The following TYW1B variants were observed in gnomAD, a reference collection of about 807,000 sequenced individuals.
TYW1B encodes the protein tRNA-yW synthesizing protein 1 homolog B.
TYW1B carries 73 observed loss-of-function variants against 86.9 expected under a neutral mutation model. The ratio of observed to expected loss-of-function variants is 0.84; its 90% CI spans 0.70 to 1.02. TYW1B has a LOEUF of 1.02. Among genes scored for constraint, TYW1B ranks in the 50% least tolerant of loss-of-function variants. The pLI is 0.00. For synonymous variants in TYW1B, 248 were observed against 292.8 expected, an observed-to-expected ratio of 0.85 and a Z score of 1.56; for missense variants, 637 against 827.4, an observed-to-expected ratio of 0.77 and a Z score of 2.82.
chr7:72,815,388 T>A lies in TYW1B; in HGVS notation c.229A>T (p.Ile77Leu). 6.3e-7 allele frequency: 1 copy of A among 1,597,932 alleles called. No homozygotes were observed. Among genetic ancestry groups the A allele is most frequent in the Non-Finnish European group, 8.5e-7 (1 of 1,175,516 alleles). The part of the protein sequence containing the change: ...LKEYDPDDHL[I>L]EEVTSKNVCV... ...AAAAGACAATTACCAACCTCTTCTA[T>A]CAGATGATCATCTGGATCATATTCT... is the stretch of plus-strand genomic sequence containing the variant. The change falls in exon 3 of 14, where the codon ATA becomes TTA. Residue 77 changes from isoleucine to leucine, a missense_variant. Ile to Leu is a conservative substitution (Grantham distance 5). Transcript: ENST00000620995.
rs782550663 is a variant in TYW1B at position 72,807,322 on chromosome 7, A to C, written c.467T>G (p.Leu156Arg). ...TCGACTCATCACACGATGCACGCCA[A>C]GCATCCAGAGCCACTTGTCAACATT... ...GKNVDKWLWMLGVHRVMSRGE... is the reference protein window; with the variant it reads ...GKNVDKWLWMRGVHRVMSRGE... Residue 156 changes from leucine (L) to arginine (R), a missense_variant, in exon 5 of 14, where the codon CTT (leucine) becomes CGT (arginine). Transcript: ENST00000620995. The C allele has an allele frequency of 1.1e-4, 174 of 1,613,138 alleles. No homozygotes were observed. The highest frequency in any genetic ancestry group is 1.2e-4 in the Non-Finnish European group (142 of 1,179,248).
intron 7 of TYW1B, among the ~76,000 whole-genome samples, chr7:72,774,062 C>CAAAAAAAA (rs35480783): frequency 2.7e-4 from 15 of 54,612 alleles, no homozygotes; most frequent in Middle Eastern, 0.011. Flanking sequence ...AACTCCATCT[C>CAAAAAAAA]AAAAAAAAAA....
chr7:72,638,222 C>T (rs1308902664), intron 11 of TYW1B, among the ~76,000 whole-genome samples: 14 of 151,316 alleles, frequency 9.3e-5, no homozygotes, highest in African/African-American at 2.7e-4. Flanking sequence ...TCTTGGTTAT[C>T]AAACAAAAGA....
At chr7:72,745,849 G>GGGGTGT (rs1304474488) in intron 7 of TYW1B, among the ~76,000 whole-genome samples, 1 of 130,024 alleles carries the variant, frequency 7.7e-6, no homozygotes, top group African/African-American at 3.5e-5. Context: ...CACGTGTATA[G>GGGGTGT]GGGTGTGTGT....
intron 2 of TYW1B, among the ~76,000 whole-genome samples, chr7:72,821,701 A>C (rs1309998733): frequency 2.0e-5 from 3 of 152,150 alleles, no homozygotes; most frequent in Non-Finnish European, 4.4e-5. Context: ...GAACAAACAG[A>C]ATCTGCTGAC....
intron 7 of TYW1B, among the ~76,000 whole-genome samples, chr7:72,770,085 A>AAC: frequency 6.6e-6 from 1 of 151,726 alleles, no homozygotes; most frequent in East Asian, 1.9e-4. Flanking sequence ...AAAAAAAAAA[A>AAC]ACAAAAAAAA....
intron 11 of TYW1B, among the ~76,000 whole-genome samples, chr7:72,666,406 A>G (rs1813463498): frequency 2.0e-5 from 3 of 152,196 alleles, no homozygotes; most frequent in African/African-American, 7.2e-5. Flanking sequence ...AGCCTGGGCA[A>G]CAGAGCAAAA....
At chr7:72,673,457 G>A (rs1563054637) in intron 11 of TYW1B, among the ~76,000 whole-genome samples, 1 of 152,168 alleles carries the variant, frequency 6.6e-6, no homozygotes, top group Non-Finnish European at 1.5e-5. Flanking sequence ...CAACATGGAT[G>A]GAACTGCAGG....
chr7:72,737,121 T>C (rs1356103146), intron 8 of TYW1B, among the ~76,000 whole-genome samples: 2 of 152,218 alleles, frequency 1.3e-5, no homozygotes, highest in African/African-American at 4.8e-5. Context: ...GTTGTTTTAT[T>C]CTACAGCTGA....
intron 11 of TYW1B, among the ~76,000 whole-genome samples, chr7:72,672,473 A>ACACACACACACAC (rs1813630351): frequency 7.8e-5 from 11 of 140,780 alleles, no homozygotes; most frequent in Admixed American, 1.4e-4. Flanking sequence ...TACACACACA[A>ACACACACACACAC]ACACACACAC....
At chr7:72,776,325 C>T (rs1411616761) in intron 7 of TYW1B, among the ~76,000 whole-genome samples, 2 of 151,818 alleles carry the variant, frequency 1.3e-5, no homozygotes, top group Non-Finnish European at 2.9e-5. Flanking sequence ...TGGCTCACAC[C>T]TGTAATCCCA....
At chr7:72,741,246 C>T (rs1356363020) in intron 8 of TYW1B, among the ~76,000 whole-genome samples, 11 of 151,932 alleles carry the variant, frequency 7.2e-5, no homozygotes, top group Non-Finnish European at 1.5e-4. Context: ...AAAACAATGT[C>T]TAAACAAATC....
At chr7:72,635,973 T>C (rs1166841764) in intron 11 of TYW1B, among the ~76,000 whole-genome samples, 2 of 152,220 alleles carry the variant, frequency 1.3e-5, no homozygotes, top group Admixed American at 6.5e-5. Flanking sequence ...AGGGTAGCCA[T>C]GTTTCAAGTA....
At chr7:72,638,048 C>G (rs1554441006) in intron 11 of TYW1B, among the ~76,000 whole-genome samples, 1 of 151,258 alleles carries the variant, frequency 6.6e-6, no homozygotes, top group African/African-American at 2.4e-5. Flanking sequence ...TGTATTGCCC[C>G]AAATTTCTAC....
intron 10 of TYW1B, among the ~76,000 whole-genome samples, chr7:72,700,061 C>CTTTCTAAA (rs1227743425): frequency 2.0e-5 from 3 of 147,404 alleles, no homozygotes; most frequent in Non-Finnish European, 4.5e-5. Context: ...ACTGTATTGT[C>CTTTCTAAA]TTTCTAAAAT....
chr7:72,707,332 C>G (rs137869108), intron 10 of TYW1B, among the ~76,000 whole-genome samples: 1 of 152,244 alleles, frequency 6.6e-6, no homozygotes, highest in Admixed American at 6.5e-5. Flanking sequence ...TGAATAGAGG[C>G]CCCTGGGCCC....
chr7:72,699,270 G>A (rs1554452046), intron 10 of TYW1B, among the ~76,000 whole-genome samples: 1 of 152,216 alleles, frequency 6.6e-6, no homozygotes, highest in African/African-American at 2.4e-5. Flanking sequence ...AGATGCAGCA[G>A]GATAAAGGAA....
chr7:72,635,123 C>T (rs1375965868), intron 11 of TYW1B, among the ~76,000 whole-genome samples: 4 of 152,102 alleles, frequency 2.6e-5, no homozygotes, highest in African/African-American at 9.7e-5. Flanking sequence ...TTGCCACTCA[C>T]ATTTGTGTCA....
intron 13 of TYW1B, among the ~76,000 whole-genome samples, chr7:72,584,654 C>T (rs1811233662): frequency 6.6e-6 from 1 of 152,052 alleles, no homozygotes; most frequent in African/African-American, 2.4e-5. Flanking sequence ...TGGGGTTTCG[C>T]CACGTTGGCC....
Sources: gnomAD v4.1 joint callset for allele counts (sites outside exome capture counted in the v4.1 genomes callset) on GRCh38, gnomAD v4.1.1 for gene constraint, MANE v1.5 for transcripts, NCBI Gene and HGNC (gene_info 2026-07-23, HGNC 2026-07-21) for gene names.